ATP10A: variants seen among roughly 807,000 people sequenced by gnomAD.
The protein encoded by ATP10A is phospholipid-transporting ATPase VA.
Under a neutral mutation model 147.8 loss-of-function variants are expected in ATP10A, and 111 were observed. That is an observed-to-expected ratio of 0.75 (90% CI 0.64 to 0.88). The LOEUF (loss-of-function observed/expected upper bound fraction) is 0.88, where lower values mean the gene tolerates loss of function less well. Ranked by LOEUF, ATP10A falls within the 40% of genes least tolerant of loss-of-function variation. ATP10A has a pLI of 0.00. For missense variants in ATP10A, 1,927 were observed against 1,959.0 expected, an observed-to-expected ratio of 0.98 and a Z score of 0.31; for synonymous variants, 875 against 841.6, an observed-to-expected ratio of 1.04 and a Z score of -0.69.
At chr15:25,835,674 C>A (rs1175399424) in intron 1 of ATP10A, among the ~76,000 whole-genome samples, 1 of 152,166 alleles carries the variant, frequency 6.6e-6, no homozygotes, top group Non-Finnish European at 1.5e-5. Flanking sequence ...ATTCTGTCAC[C>A]CAGGCTGGAG....
intron 1 of ATP10A, among the ~76,000 whole-genome samples, chr15:25,796,142 T>C (rs138394057): frequency 1.4e-4 from 22 of 152,220 alleles, no homozygotes; most frequent in African/African-American, 5.1e-4. Context: ...CATGTGAAAA[T>C]AGTTTGTTTC....
chr15:25,694,064 T>G (rs150843943), intron 14 of ATP10A, among the ~76,000 whole-genome samples: 1 of 151,930 alleles, frequency 6.6e-6, no homozygotes, highest in Admixed American at 6.5e-5. Flanking sequence ...GCTTCCTTCC[T>G]GGCCCTCACC....
At chr15:25,745,048 G>T (rs765219642) in intron 2 of ATP10A, among the ~76,000 whole-genome samples, 1 of 152,200 alleles carries the variant, frequency 6.6e-6, no homozygotes, top group Non-Finnish European at 1.5e-5. Context: ...AATTGGGGCC[G>T]GGCGCGGTGG....
chr15:25,681,139 G>T, intron 17 of ATP10A, 65 bp from the exon 18 acceptor site: 1 of 1,497,168 alleles, frequency 6.7e-7, no homozygotes, highest in South Asian at 1.2e-5. Context: ...AAAGCAGTTA[G>T]AATAAAAATG....
chr15:25,679,575 C>T lies in ATP10A; in HGVS notation c.4266G>A (p.Arg1422=). The change falls in exon 21 of 21, where the codon AGG becomes AGA. Residue 1422 remains arginine, a synonymous_variant. Transcript: ENST00000555815. ...TGAAGAGGGAAGACAGGGGGGTCACCCTGCCGGTGCTGGCAGCTCTCACCT... is the reference window on the plus strand; with the variant it reads ...TGAAGAGGGAAGACAGGGGGGTCACTCTGCCGGTGCTGGCAGCTCTCACCT... ...ESKVRAASTG[R]VTPLSSLFSL... 1 of 1,610,672 alleles carries T rather than the reference C, an allele frequency of 6.2e-7. No homozygotes were observed.
At chr15:25,839,098 T>C (rs1159341225) in intron 1 of ATP10A, among the ~76,000 whole-genome samples, 1 of 152,164 alleles carries the variant, frequency 6.6e-6, no homozygotes, top group Admixed American at 6.5e-5. Context: ...TTGTATCCAA[T>C]ACCCATTCTG....
Position 25,680,883 on chromosome 15 carries a change from G to C in ATP10A, c.3605C>G (p.Thr1202Ser), listed in dbSNP as rs753344343. The C allele has an allele frequency of 1.2e-6, 2 of 1,614,144 alleles. No homozygotes were observed. Among genetic ancestry groups the C allele is most frequent in the Non-Finnish European group, 1.7e-6 (2 of 1,180,032 alleles). ...GATTGTCACAATAGGGGTCCCCCAGGTAAACAGGTCCACGTTCGAGTCATA... is the reference window on the plus strand; with the variant it reads ...GATTGTCACAATAGGGGTCCCCCAGCTAAACAGGTCCACGTTCGAGTCATA... ...AYYDSNVDLFTWGTPIVTIAL... is the reference protein window; with the variant it reads ...AYYDSNVDLFSWGTPIVTIAL... The change falls in exon 19 of 21, where the codon ACC becomes AGC. Residue 1202 changes from threonine (T) to serine (S), a missense_variant. Thr to Ser is a moderately conservative substitution (Grantham distance 58). Transcript: ENST00000555815.
At chr15:25,775,883 G>A (rs764378051) in intron 2 of ATP10A, among the ~76,000 whole-genome samples, 7 of 152,194 alleles carry the variant, frequency 4.6e-5, no homozygotes, top group Non-Finnish European at 7.3e-5. Context: ...GCCTCACCCC[G>A]GCTGAAATTC....
At chr15:25,805,549 G>T (rs1891144377) in intron 1 of ATP10A, among the ~76,000 whole-genome samples, 1 of 152,162 alleles carries the variant, frequency 6.6e-6, no homozygotes, top group Admixed American at 6.5e-5. Context: ...AATCTAAGTA[G>T]GTCTCAGATA....
chr15:25,779,577 T>A (rs1171886035), intron 2 of ATP10A, among the ~76,000 whole-genome samples: 1 of 65,332 alleles, frequency 1.5e-5, no homozygotes, highest in Non-Finnish European at 3.2e-5. Context: ...GGGTGGGGGG[T>A]GGGCACGAGG....
At chr15:25,683,694 C>CT in intron 16 of ATP10A, 2 of 580,948 alleles carry the variant, frequency 3.4e-6, no homozygotes, top group South Asian at 4.3e-5. Flanking sequence ...TCCTCACTCC[C>CT]TTAAGAAAGA....
At position 25,679,948 on chromosome 15, in the gene ATP10A, C is replaced by T. The variant is rs138394113; in HGVS notation, c.3893G>A (p.Arg1298Lys). Residue 1298 changes from arginine to lysine, a missense_variant, in exon 21 of 21, where the codon AGG becomes AAG. Transcript: ENST00000555815. ...CAGCTGAAGTTGTGTGGGGAAAACC[C>T]TCCCCTGGAGGGATCTGAAAAACAA... ...PRLFFRSLQG[R>K]VFPTQLQLAR... 290 of 1,604,098 alleles carry T rather than the reference C, an allele frequency of 1.8e-4. 1 individual carries two copies. The African/African-American group carries it at 1.8e-3, about 10-fold the overall frequency.
chr15:25,815,002 T>C (rs529488627), intron 1 of ATP10A, among the ~76,000 whole-genome samples: 1 of 152,096 alleles, frequency 6.6e-6, no homozygotes, highest in African/African-American at 2.4e-5. Flanking sequence ...CACAGGAAGG[T>C]TCTCTCAAAG....
intron 3 of ATP10A, among the ~76,000 whole-genome samples, chr15:25,732,558 C>CTACATGCGACACCTTCTTTTT (rs1555461688): frequency 2.4e-5 from 2 of 84,126 alleles, no homozygotes; most frequent in Non-Finnish European, 4.3e-5. Flanking sequence ...GCGACACCTT[C>CTACATGCGACACCTTCTTTTT]TTTTTTTTTT....
At chr15:25,722,344 A>G (rs1407011393) in intron 6 of ATP10A, among the ~76,000 whole-genome samples, 1 of 152,160 alleles carries the variant, frequency 6.6e-6, no homozygotes, top group Non-Finnish European at 1.5e-5. Flanking sequence ...CAGGGATACA[A>G]CCCCAAGTTC....
intron 1 of ATP10A, among the ~76,000 whole-genome samples, chr15:25,823,510 C>G (rs1891975808): frequency 6.6e-6 from 1 of 152,204 alleles, no homozygotes; most frequent in Non-Finnish European, 1.5e-5. Flanking sequence ...ACAGGCATTC[C>G]TCCTGCTTTT....
intron 13 of ATP10A, among the ~76,000 whole-genome samples, 181 bp downstream of exon 13, chr15:25,701,735 C>T (rs1040833359): frequency 5.3e-5 from 8 of 152,170 alleles, no homozygotes; most frequent in Non-Finnish European, 1.0e-4. Flanking sequence ...TCCTTTGGTA[C>T]TAAGAAATTC....
At chr15:25,853,012 C>T (rs943299093) in intron 1 of ATP10A, among the ~76,000 whole-genome samples, 5 of 152,182 alleles carry the variant, frequency 3.3e-5, no homozygotes, top group African/African-American at 4.8e-5. Flanking sequence ...CCTACAAGGG[C>T]GTTTTAATTG....
intron 12 of ATP10A, among the ~76,000 whole-genome samples, chr15:25,707,686 T>C (rs1901119312): frequency 6.6e-6 from 1 of 152,172 alleles, no homozygotes; most frequent in Non-Finnish European, 1.5e-5. Context: ...CTCCCAACTG[T>C]CAGAAATCTC....
Sources: gnomAD v4.1 joint callset for allele counts (sites outside exome capture counted in the v4.1 genomes callset) on GRCh38, gnomAD v4.1.1 for gene constraint, MANE v1.5 for transcripts, NCBI Gene and HGNC (gene_info 2026-07-23, HGNC 2026-07-21) for gene names.